Variants in NFIA observed in about 807,000 individuals in gnomAD.
The protein encoded by NFIA is nuclear factor 1 A-type.
A neutral mutation model predicts 62.8 loss-of-function variants in NFIA; 8 were observed. That is an observed-to-expected ratio of 0.13 (90% CI 0.07 to 0.23). The LOEUF is 0.23. NFIA is among the 10% of genes least tolerant of loss of function. The pLI is 1.00. For missense variants in NFIA, 410 were observed against 642.1 expected, an observed-to-expected ratio of 0.64 and a Z score of 3.91; for synonymous variants, 235 against 238.1, an observed-to-expected ratio of 0.99 and a Z score of 0.12.
chr1:61,177,032 G>A lies in NFIA; in HGVS notation c.559+88352G>A, dbSNP rs553630760. Among the ~76,000 whole-genome samples, 3 of 152,114 alleles carry A rather than the reference G, an allele frequency of 2.0e-5. No homozygotes were observed. The South Asian group carries it at 6.2e-4, about 32-fold the overall frequency. On this transcript the variant is annotated intron_variant, in intron 2 of 10. Coordinates refer to ENST00000403491, the MANE Select transcript of NFIA (RefSeq NM_001134673.4). ...GAGGCAGGAGAATAGCGTGAACCTG[G>A]GAGGCAGAGCTTGCAGTGAGCCAAG...
At chr1:61,126,810 A>T (rs1334730956) in intron 2 of NFIA, among the ~76,000 whole-genome samples, 1 of 121,042 alleles carries the variant, frequency 8.3e-6, no homozygotes, top group African/African-American at 3.2e-5. Context: ...TTGAAGACAA[A>T]GTCTTGCTCT....
intron 2 of NFIA, among the ~76,000 whole-genome samples, chr1:61,165,060 A>C (rs1396776797): frequency 6.6e-6 from 1 of 152,206 alleles, no homozygotes; most frequent in Non-Finnish European, 1.5e-5. Flanking sequence ...AACAATGTGC[A>C]AACTGTTGAG....
intron 3 of NFIA, among the ~76,000 whole-genome samples, chr1:61,283,850 A>C (rs1658317263): frequency 6.6e-6 from 1 of 152,138 alleles, no homozygotes; most frequent in Non-Finnish European, 1.5e-5. Context: ...ATAATTCAAA[A>C]CTGCAAAAAT....
At chr1:61,353,399 G>A (rs1662657896) in intron 5 of NFIA, among the ~76,000 whole-genome samples, 1 of 152,170 alleles carries the variant, frequency 6.6e-6, no homozygotes, top group Non-Finnish European at 1.5e-5. Flanking sequence ...AGATCGTGTT[G>A]TCTCTAGATA....
At position 61,212,698 on chromosome 1, in the gene NFIA, G is replaced by C. The variant is rs115250717; in HGVS notation, c.560-64822G>C. On this transcript the variant is annotated intron_variant, in intron 2 of 10. Transcript: ENST00000403491. Reference sequence around the variant, plus strand: ...TGCATAAAAGAAAATTTACTATTCAGTATAGTTGGGACTGTATCTTCAGGC... The same window carrying C: ...TGCATAAAAGAAAATTTACTATTCACTATAGTTGGGACTGTATCTTCAGGC... 8.3e-3 allele frequency among the ~76,000 whole-genome samples: 1,258 copies of C among 152,276 alleles called. 16 individuals carry two copies. Among genetic ancestry groups the C allele is most frequent in the African/African-American group, 0.029 (1,186 of 41,548 alleles).
At chr1:61,326,404 A>G (rs182329951) in intron 3 of NFIA, among the ~76,000 whole-genome samples, 2 of 152,272 alleles carry the variant, frequency 1.3e-5, no homozygotes, top group Admixed American at 1.3e-4. Flanking sequence ...ACTCAGTTTT[A>G]GTTAAACTAT....
At chr1:61,447,051 A>T (rs1667841793) in intron 10 of NFIA, among the ~76,000 whole-genome samples, 1 of 152,118 alleles carries the variant, frequency 6.6e-6, no homozygotes, top group African/African-American at 2.4e-5. Flanking sequence ...TGTAGAAAAC[A>T]TACATTTTTT....
At chr1:61,258,262 A>T (rs569244745) in intron 2 of NFIA, among the ~76,000 whole-genome samples, 2 of 152,232 alleles carry the variant, frequency 1.3e-5, no homozygotes, top group Non-Finnish European at 2.9e-5. Flanking sequence ...TTGTGTATAC[A>T]TCATGCCAAA....
chr1:61,233,045 G>A (rs1186269919), intron 2 of NFIA, among the ~76,000 whole-genome samples: 2 of 152,004 alleles, frequency 1.3e-5, no homozygotes, highest in Non-Finnish European at 2.9e-5. Context: ...TGTATTTAGT[G>A]CCTTTATATT....
At chr1:61,129,157 C>T (rs1048718329) in intron 2 of NFIA, among the ~76,000 whole-genome samples, 2 of 151,832 alleles carry the variant, frequency 1.3e-5, no homozygotes, top group Non-Finnish European at 1.5e-5. Flanking sequence ...CTCCTGACCT[C>T]GTGATCCGTT....
intron 4 of NFIA, among the ~76,000 whole-genome samples, chr1:61,350,047 C>A (rs1662467722): frequency 6.6e-6 from 1 of 152,294 alleles, no homozygotes; most frequent in South Asian, 2.1e-4. Context: ...AGGCGCCCCC[C>A]ACCCTTTCAC....
At chr1:61,184,641 C>T (rs1281433505) in intron 2 of NFIA, among the ~76,000 whole-genome samples, 1 of 152,140 alleles carries the variant, frequency 6.6e-6, no homozygotes, top group Non-Finnish European at 1.5e-5. Flanking sequence ...TGGCTTCTGA[C>T]CAAACAAGCT....
intron 4 of NFIA, 117 bp from the exon 5 acceptor site, chr1:61,352,333 G>A (rs908689925): frequency 1.2e-5 from 8 of 678,754 alleles, no homozygotes; most frequent in Admixed American, 2.6e-5. Context: ...GATTATTTTC[G>A]ATTCGCTTAC....
At chr1:61,155,737 C>T (rs1648773293) in intron 2 of NFIA, among the ~76,000 whole-genome samples, 2 of 150,556 alleles carry the variant, frequency 1.3e-5, no homozygotes, top group African/African-American at 4.9e-5. Context: ...CCTTTTCCCT[C>T]TAGATCAATC....
chr1:61,137,334 A>C (rs747256517), intron 2 of NFIA, among the ~76,000 whole-genome samples: 4 of 152,198 alleles, frequency 2.6e-5, no homozygotes, highest in Admixed American at 6.5e-5. Flanking sequence ...TAAGGAAAAA[A>C]GAGATTCAGA....
At chr1:61,339,502 A>G (rs1661787352) in intron 4 of NFIA, among the ~76,000 whole-genome samples, 1 of 152,238 alleles carries the variant, frequency 6.6e-6, no homozygotes, top group East Asian at 1.9e-4. Flanking sequence ...AGGTAAAATA[A>G]TAAATATTGC....
chr1:61,286,311 C>T (rs1231322455), intron 3 of NFIA, among the ~76,000 whole-genome samples: 2 of 151,610 alleles, frequency 1.3e-5, no homozygotes, highest in African/African-American at 4.9e-5. Context: ...GCCTGTAGTC[C>T]CAGCTACTCA....
chr1:61,461,325 T>C lies in NFIA; in HGVS notation c.*6005T>C, dbSNP rs1002468894. Reference sequence around the variant, plus strand: ...GTAAGAAATCACATGGCTATTTAGTTTCATGCACAGTTGCAATATTTTCTT... The same window carrying C: ...GTAAGAAATCACATGGCTATTTAGTCTCATGCACAGTTGCAATATTTTCTT... On this transcript the variant is annotated 3_prime_UTR_variant, in exon 11 of 11. Coordinates refer to ENST00000403491, the MANE Select transcript of NFIA (RefSeq NM_001134673.4). 5 of 152,236 alleles carry C rather than the reference T, an allele frequency of 3.3e-5. No individual in the cohort carries two copies. Among genetic ancestry groups the C allele is most frequent in the African/African-American group, 1.2e-4 (5 of 41,462 alleles). 9.4% of individuals were successfully genotyped at this position (152,236 alleles called of 1,614,324 possible). A position where few individuals can be genotyped will look rare whatever the true frequency, so the allele number is the denominator to read the frequency against.
At chr1:61,346,818 C>A (rs2100420285) in intron 4 of NFIA, among the ~76,000 whole-genome samples, 1 of 152,280 alleles carries the variant, frequency 6.6e-6, no homozygotes. Flanking sequence ...TTAATTGACT[C>A]ACAGTTCTAC....
Sources: gnomAD v4.1 joint callset for allele counts (sites outside exome capture counted in the v4.1 genomes callset) on GRCh38, gnomAD v4.1.1 for gene constraint, MANE v1.5 for transcripts, NCBI Gene and HGNC (gene_info 2026-07-23, HGNC 2026-07-21) for gene names.